The following CLMN variants were observed in gnomAD, a reference collection of about 807,000 sequenced individuals.
CLMN encodes calmin, also known as calmin (calponin-like, transmembrane).
Under a neutral mutation model 92.7 loss-of-function variants are expected in CLMN, and 57 were observed. The ratio of observed to expected loss-of-function variants is 0.61; its 90% confidence interval spans 0.50 to 0.77. The LOEUF (loss-of-function observed/expected upper bound fraction) is 0.77. CLMN is among the 30% of genes least tolerant of loss of function. The probability of loss-of-function intolerance (pLI) is 0.00; values close to 1 mark genes in which losing one functional copy is unlikely to be tolerated. For synonymous variants in CLMN, 466 were observed against 470.6 expected (o/e 0.99, Z 0.13); for missense variants, 1,158 against 1,237.5 (o/e 0.94, Z 0.96).
At chr14:95,317,332 C>G (rs981005119) in intron 1 of CLMN, among the ~76,000 whole-genome samples, 4 of 152,106 alleles carry the variant, frequency 2.6e-5, no homozygotes, top group Non-Finnish European at 5.9e-5. Context: ...CAGATGCCTG[C>G]CCCCATCTCC....
chr14:95,298,151 C>T (rs766596117), intron 1 of CLMN, among the ~76,000 whole-genome samples: 1 of 152,284 alleles, frequency 6.6e-6, no homozygotes, highest in Admixed American at 6.5e-5. Context: ...CCACCCCACC[C>T]GGCTGCCACC....
chr14:95,313,351 C>T (rs551280769), intron 1 of CLMN, among the ~76,000 whole-genome samples: 2 of 152,236 alleles, frequency 1.3e-5, no homozygotes, highest in South Asian at 4.1e-4. Flanking sequence ...TTTGTGGGTA[C>T]TTCTTTGCCT....
chr14:95,302,449 C>T (rs1901100405), intron 1 of CLMN, among the ~76,000 whole-genome samples: 1 of 151,898 alleles, frequency 6.6e-6, no homozygotes, highest in Admixed American at 6.6e-5. Context: ...TTTCCAGTAG[C>T]CCTGTTATAT....
chr14:95,289,463 CAAAA>C (rs1180417235), intron 1 of CLMN, among the ~76,000 whole-genome samples: 47 of 137,570 alleles, frequency 3.4e-4, no homozygotes, highest in Non-Finnish European at 2.9e-4. Context: ...GACTCTGTCT[CAAAA>C]AATAAATAAA....
At chr14:95,309,628 C>G (rs1364661253) in intron 1 of CLMN, among the ~76,000 whole-genome samples, 1 of 152,226 alleles carries the variant, frequency 6.6e-6, no homozygotes, top group Non-Finnish European at 1.5e-5. Flanking sequence ...TGCCCTTTGT[C>G]AGGAAGCCTC....
chr14:95,275,290 C>T (rs1295508660), intron 1 of CLMN, among the ~76,000 whole-genome samples: 1 of 152,150 alleles, frequency 6.6e-6, no homozygotes, highest in Non-Finnish European at 1.5e-5. Flanking sequence ...GTGCAAGACA[C>T]CTGTCACAAA....
chr14:95,226,556 T>C (rs1897717721), intron 2 of CLMN, among the ~76,000 whole-genome samples: 1 of 152,056 alleles, frequency 6.6e-6, no homozygotes, highest in Non-Finnish European at 1.5e-5. Context: ...GGGAGCAGGG[T>C]CCAGAAACTT....
In CLMN at chr14:95,215,813, CTCTGTGTGTGTGTGTGTGTG is replaced by C; in HGVS notation, c.325-100_325-81del. The C allele has an allele frequency of 2.2e-4, 186 of 850,450 alleles. 1 individual carries two copies. The highest frequency in any genetic ancestry group is 5.5e-4 in the South Asian group (38 of 68,652). 52.7% of individuals were successfully genotyped at this position (850,450 alleles called of 1,614,324 possible). ...TGTTATTTTCTGGTTCTCTCTCTCTCTCTGTGTGTGTGTGTGTGTGTGTGTGTGTGTGTGTGTGTGTGTGT... is the reference window on the plus strand; with the variant it reads ...TGTTATTTTCTGGTTCTCTCTCTCTCTGTGTGTGTGTGTGTGTGTGTGTGT... On this transcript the variant is annotated intron_variant, in intron 4 of 12. Transcript: ENST00000298912.
At chr14:95,207,278 T>C (rs1447180918) in intron 8 of CLMN, among the ~76,000 whole-genome samples, 2 of 152,184 alleles carry the variant, frequency 1.3e-5, no homozygotes, top group Non-Finnish European at 2.9e-5. Context: ...CAGTATATTA[T>C]TCTTTCTTTC....
chr14:95,254,658 C>T (rs1034664525), intron 1 of CLMN, among the ~76,000 whole-genome samples: 1 of 152,174 alleles, frequency 6.6e-6, no homozygotes, highest in African/African-American at 2.4e-5. Flanking sequence ...CAAGTCCTAA[C>T]CCAAGGAGCC....
intron 1 of CLMN, among the ~76,000 whole-genome samples, chr14:95,277,800 G>T (rs1244826689): frequency 2.0e-5 from 3 of 152,006 alleles, no homozygotes; most frequent in Non-Finnish European, 2.9e-5. Context: ...GCTAATTTTT[G>T]ATTTTTAGTA....
intron 1 of CLMN, among the ~76,000 whole-genome samples, chr14:95,272,014 G>A (rs923817133): frequency 1.3e-5 from 2 of 152,198 alleles, no homozygotes; most frequent in African/African-American, 4.8e-5. Context: ...ATTCCACAGT[G>A]TGACTATTAT....
intron 1 of CLMN, among the ~76,000 whole-genome samples, chr14:95,233,065 T>C (rs138865154): frequency 0.01 from 1,540 of 152,298 alleles, 31 homozygotes; most frequent in African/African-American, 0.035. Context: ...GCTGTCCCGG[T>C]TTATGCTTTT....
intron 1 of CLMN, among the ~76,000 whole-genome samples, chr14:95,290,757 C>G (rs1028756022): frequency 6.6e-6 from 1 of 152,108 alleles, no homozygotes; most frequent in African/African-American, 2.4e-5. Flanking sequence ...TACAGCAGCC[C>G]TAGGAAACCC....
rs1328871442 is a variant in CLMN, at chr14:95,212,298, AATGATTCACC to A, written c.608+911_608+920del. On this transcript the variant is annotated intron_variant, in intron 6 of 12. Transcript: ENST00000298912. ...TTTGCAGTTGGGGCTTGGAAAGGTA[AATGATTCACC>A]AGGATCTCAACCAGTCTGTACGCTG... Among the ~76,000 whole-genome samples the A allele has an allele frequency of 5.7e-4, 87 of 152,300 alleles. 1 individual carries two copies. The highest frequency in any genetic ancestry group is 1.9e-3 in the African/African-American group (80 of 41,554).
In CLMN at chr14:95,256,734, T is replaced by A. The variant is rs1292986236; in HGVS notation, c.83-26601A>T. Among the ~76,000 whole-genome samples the A allele has an allele frequency of 3.9e-5, 6 of 152,026 alleles. No individual in the cohort carries two copies. Among genetic ancestry groups the A allele is most frequent in the Non-Finnish European group, 8.8e-5 (6 of 68,006 alleles). ...TGTCTAGGCTGGGATGGGAGAGAAATTGCCAAATGTAGGGCCCTGGTCCAC... is the reference window on the plus strand; with the variant it reads ...TGTCTAGGCTGGGATGGGAGAGAAAATGCCAAATGTAGGGCCCTGGTCCAC... On this transcript the variant is annotated intron_variant, in intron 1 of 12. Coordinates refer to ENST00000298912, the MANE Select transcript of CLMN (RefSeq NM_024734.4). This position sits in a 1 kb window ranked among gnomAD's most constrained non-coding sequence, Gnocchi z 4.9.
rs150126722 is a variant in CLMN, at chr14:95,275,699, A to C, written c.82+44012T>G. On this transcript the variant is annotated intron_variant, in intron 1 of 12. Transcript: ENST00000298912. ...TTCTTTCTGAAACAGTTTCACTTTC[A>C]TCACCTAGACTGCAGTGCAATGGCG... 9.5e-4 allele frequency among the ~76,000 whole-genome samples: 144 copies of C among 152,274 alleles called. 1 individual carries two copies. The highest frequency in any genetic ancestry group is 3.0e-3 in the African/African-American group (125 of 41,554).
intron 1 of CLMN, among the ~76,000 whole-genome samples, chr14:95,316,851 A>G (rs886393209): frequency 5.1e-4 from 77 of 152,222 alleles, no homozygotes; most frequent in African/African-American, 1.8e-3. Context: ...GAAAAGAATC[A>G]GGAATGCCTG....
chr14:95,308,216 G>A (rs10143772), intron 1 of CLMN, among the ~76,000 whole-genome samples: 14,257 of 152,234 alleles, frequency 0.094, 988 homozygotes, highest in African/African-American at 0.19. Flanking sequence ...TTAGTTCAAG[G>A]AAAACCTGGT....
Sources: allele counts gnomAD v4.1 joint callset (sites outside exome capture counted in the v4.1 genomes callset), GRCh38; gene constraint gnomAD v4.1.1; non-coding constraint Gnocchi (gnomAD v3.1); transcripts MANE v1.5; gene names NCBI Gene and HGNC (gene_info 2026-07-23, HGNC 2026-07-21).